Variants in STEEP1 observed in about 807,000 individuals in gnomAD.
STEEP1 encodes the protein STING1 ER exit protein 1, also known as STING ER exit protein.
In STEEP1, 3 loss-of-function variants were observed where a neutral mutation model predicts 19.2. The observed-to-expected ratio is 0.16, with a 90% CI of 0.07 to 0.40. The LOEUF (loss-of-function observed/expected upper bound fraction) is 0.40. Among genes scored for constraint, STEEP1 ranks in the 10% least tolerant of loss-of-function variants. The pLI is 0.99. For missense variants in STEEP1, 54 were observed against 177.1 expected (o/e 0.30, Z 3.94); for synonymous variants, 46 against 63.7 (o/e 0.72, Z 1.32).
intron 2 of STEEP1, among the ~76,000 whole-genome samples, chrX:119,557,032 C>T (rs1241867394): frequency 3.7e-5 from 4 of 106,855 alleles, no homozygotes; most frequent in African/African-American, 1.0e-4. Flanking sequence ...GGTGCACAAC[C>T]GTAATCCCAG....
intron 2 of STEEP1, among the ~76,000 whole-genome samples, chrX:119,550,143 A>C (rs2053233613): frequency 8.9e-6 from 1 of 112,460 alleles, no homozygotes. Flanking sequence ...TATTCCTCGA[A>C]TGAATTTCCA....
At chrX:119,558,599 T>C (rs2053299094) in intron 2 of STEEP1, among the ~76,000 whole-genome samples, 1 of 111,686 alleles carries the variant, frequency 9.0e-6, no homozygotes, top group Non-Finnish European at 1.9e-5. Context: ...ACCTGGAACA[T>C]AGTAGGAGCT....
At chrX:119,562,214 T>G (rs1466997410) in intron 1 of STEEP1, among the ~76,000 whole-genome samples, 1 of 111,438 alleles carries the variant, frequency 9.0e-6, no homozygotes, top group African/African-American at 3.3e-5. Flanking sequence ...CTGGCCAACA[T>G]GGTGAAACCC....
chrX:119,543,308 C>T (rs751949117), intron 4 of STEEP1, among the ~76,000 whole-genome samples: 10 of 110,534 alleles, frequency 9.0e-5, no homozygotes, highest in Non-Finnish European at 1.7e-4. Context: ...CTGCCTCAGC[C>T]TCCTGAGTAG....
chrX:119,550,636 T>C (rs2053236029), intron 2 of STEEP1, among the ~76,000 whole-genome samples: 1 of 112,068 alleles, frequency 8.9e-6, no homozygotes, highest in Non-Finnish European at 1.9e-5. Flanking sequence ...CTGCAAATCT[T>C]CATATGCTTG....
At chrX:119,560,533 A>C in intron 1 of STEEP1, 148 bp from the exon 2 acceptor site, 1 of 445,862 alleles carries the variant, frequency 2.2e-6, no homozygotes, top group Non-Finnish European at 3.9e-6. Flanking sequence ...CTATTATTGA[A>C]TGTTCCAACT....
At chrX:119,559,771 G>A (rs1401984269) in intron 2 of STEEP1, among the ~76,000 whole-genome samples, 1 of 112,464 alleles carries the variant, frequency 8.9e-6, no homozygotes, top group East Asian at 2.8e-4. Context: ...TGGAGGGGCC[G>A]GGCACAGTGG....
intron 2 of STEEP1, among the ~76,000 whole-genome samples, chrX:119,550,354 A>G (rs934330305): frequency 8.9e-6 from 1 of 112,249 alleles, no homozygotes; most frequent in Non-Finnish European, 1.9e-5. Context: ...TGATACTGGT[A>G]TAAGGACAGA....
intron 2 of STEEP1, among the ~76,000 whole-genome samples, chrX:119,546,636 C>A (rs938735752): frequency 9.0e-6 from 1 of 110,566 alleles, no homozygotes; most frequent in African/African-American, 3.3e-5. Flanking sequence ...CAAGAGCCCA[C>A]ACAATACCAC....
In STEEP1 at chrX:119,541,364, C is replaced by T. The variant is rs758870053; in HGVS notation, c.570G>A (p.Glu190=). The T allele has an allele frequency of 6.6e-6, 8 of 1,204,582 alleles. No homozygotes were observed. In the East Asian group the frequency reaches 8.9e-5, roughly 13 times the overall value. The part of the protein sequence containing the change: ...QNAKVIEKQL[E]RKGMSKRRLQ... ...GTCGCCTCTTGCTCATGCCTTTGCG[C>T]TCCAGCTGTTTTTCAATCACTTTGG... is the stretch of plus-strand genomic sequence containing the variant. Residue 190 remains glutamate (E), a synonymous_variant, in exon 6 of 7, where the codon GAG becomes GAA. Coordinates refer to ENST00000644802, the MANE Select transcript of STEEP1 (RefSeq NM_022101.4).
At chrX:119,560,209 T>C (rs1237192759) in intron 2 of STEEP1, 59 bp downstream of exon 2, 2 of 810,623 alleles carry the variant, frequency 2.5e-6, no homozygotes, top group Admixed American at 2.3e-5. Context: ...ATTTATATTA[T>C]TCAGAAACAG....
At chrX:119,553,636 C>T (rs1205257372) in intron 2 of STEEP1, among the ~76,000 whole-genome samples, 1 of 110,922 alleles carries the variant, frequency 9.0e-6, no homozygotes, top group Non-Finnish European at 1.9e-5. Flanking sequence ...TGGACCAGGG[C>T]ACTAATAATA....
intron 1 of STEEP1, among the ~76,000 whole-genome samples, chrX:119,564,144 T>G (rs1038681634): frequency 9.0e-6 from 1 of 110,925 alleles, no homozygotes; most frequent in Non-Finnish European, 1.9e-5. Flanking sequence ...GTGAGAGTAC[T>G]GAGCTATAGG....
At chrX:119,550,557 T>C (rs2053235822) in intron 2 of STEEP1, among the ~76,000 whole-genome samples, 1 of 112,036 alleles carries the variant, frequency 8.9e-6, no homozygotes, top group African/African-American at 3.2e-5. Flanking sequence ...TATACAAAAA[T>C]TAACTCAAAA....
intron 4 of STEEP1, 97 bp downstream of exon 4, chrX:119,544,256 A>T: frequency 1.6e-6 from 1 of 626,829 alleles, no homozygotes; most frequent in African/African-American, 2.2e-5. Context: ...AAAAGAATAC[A>T]TCCATAAAGA....
At chrX:119,562,967 G>A (rs2053330969) in intron 1 of STEEP1, among the ~76,000 whole-genome samples, 3 of 111,062 alleles carry the variant, frequency 2.7e-5, no homozygotes, top group Admixed American at 9.7e-5. Flanking sequence ...GGCACTGGGG[G>A]GCAGGAACAC....
chrX:119,561,977 A>G (rs1344163340), intron 1 of STEEP1, among the ~76,000 whole-genome samples: 1 of 112,978 alleles, frequency 8.9e-6, no homozygotes, highest in African/African-American at 3.2e-5. Flanking sequence ...ATTCAAAAGC[A>G]CATGCTGTTT....
rs147766801 is a variant in STEEP1 at position 119,540,546 on chromosome X, A to T, written c.607-757T>A. 5.6e-3 allele frequency among the ~76,000 whole-genome samples: 630 copies of T among 111,629 alleles called. 6 individuals carry two copies. The highest frequency in any genetic ancestry group is 0.02 in the African/African-American group (604 of 30,765). ...ATATTTTAAGTAATTGTCAAAAAAAAATACATAGGCACCATCATACACAGA... is the reference window on the plus strand; with the variant it reads ...ATATTTTAAGTAATTGTCAAAAAAATATACATAGGCACCATCATACACAGA... On this transcript the variant is annotated intron_variant, in intron 6 of 6. Coordinates refer to ENST00000644802, the MANE Select transcript of STEEP1 (RefSeq NM_022101.4).
At chrX:119,548,912 C>A (rs933194812) in intron 2 of STEEP1, among the ~76,000 whole-genome samples, 1 of 112,031 alleles carries the variant, frequency 8.9e-6, no homozygotes, top group Non-Finnish European at 1.9e-5. Flanking sequence ...AGAAGGAAAT[C>A]CTGCCATTTG....
Sources: gnomAD v4.1 joint callset for allele counts (sites outside exome capture counted in the v4.1 genomes callset) on GRCh38, gnomAD v4.1.1 for gene constraint, MANE v1.5 for transcripts, NCBI Gene and HGNC (gene_info 2026-07-23, HGNC 2026-07-21) for gene names.